Variants in VPS13B observed in about 807,000 individuals in gnomAD.
The protein encoded by VPS13B is intermembrane lipid transfer protein VPS13B.
In VPS13B, 285 loss-of-function variants were observed where a neutral mutation model predicts 426.4. The observed-to-expected ratio is 0.67, with a 90% CI of 0.61 to 0.74. VPS13B has a LOEUF of 0.74. Ranked by LOEUF, VPS13B falls within the 30% of genes least tolerant of loss-of-function variation. The pLI is 0.00. For missense variants in VPS13B, 4,537 were observed against 4,782.6 expected, an observed-to-expected ratio of 0.95 and a Z score of 1.51; for synonymous variants, 1,676 against 1,676.4, an observed-to-expected ratio of 1.00 and a Z score of 0.01.
intron 58 of VPS13B, 63 bp downstream of exon 58, chr8:99,862,009 A>G: frequency 8.6e-6 from 13 of 1,507,802 alleles, no homozygotes; most frequent in South Asian, 1.2e-5. Context: ...AGGGTCTCCC[A>G]GGACTGGGCA....
At chr8:99,323,284 G>C (rs1810077429) in intron 19 of VPS13B, among the ~76,000 whole-genome samples, 1 of 152,184 alleles carries the variant, frequency 6.6e-6, no homozygotes, top group Non-Finnish European at 1.5e-5. Context: ...AGGGAGCATA[G>C]AGAGTTTTAA....
intron 30 of VPS13B, among the ~76,000 whole-genome samples, chr8:99,537,923 A>G (rs1313096892): frequency 2.0e-5 from 3 of 152,210 alleles, no homozygotes; most frequent in Non-Finnish European, 4.4e-5. Context: ...CTTTTAAACA[A>G]CTATGTCTCA....
At chr8:99,506,928 C>T (rs1821530218) in intron 27 of VPS13B, among the ~76,000 whole-genome samples, 1 of 152,222 alleles carries the variant, frequency 6.6e-6, no homozygotes, top group Non-Finnish European at 1.5e-5. Flanking sequence ...CAAATAAATA[C>T]ATAATTTACC....
intron 33 of VPS13B, among the ~76,000 whole-genome samples, chr8:99,639,721 G>A (rs1462261640): frequency 6.7e-6 from 1 of 148,428 alleles, no homozygotes; most frequent in Non-Finnish European, 1.5e-5. Context: ...AAAATAATAA[G>A]CAGCTTTGGG....
chr8:99,221,840 C>T (rs961879721), intron 17 of VPS13B, among the ~76,000 whole-genome samples: 1 of 152,200 alleles, frequency 6.6e-6, no homozygotes, highest in African/African-American at 2.4e-5. Context: ...TCCCCAGCAG[C>T]TGATACTACA....
At chr8:99,333,576 C>G (rs1480070297) in intron 19 of VPS13B, among the ~76,000 whole-genome samples, 1 of 151,698 alleles carries the variant, frequency 6.6e-6, no homozygotes, top group Non-Finnish European at 1.5e-5. Context: ...ATTCATGTAC[C>G]TACCACCATA....
intron 7 of VPS13B, among the ~76,000 whole-genome samples, chr8:99,118,325 T>C (rs1847772985): frequency 6.6e-6 from 1 of 152,184 alleles, no homozygotes. Context: ...TTAAGTTACA[T>C]ACATTGCTAC....
In VPS13B at chr8:99,766,838, A is replaced by G. The variant is rs1429310322; in HGVS notation, c.7115A>G (p.Asn2372Ser). Reference sequence around the variant, plus strand: ...GTTTTTGTTGCATTTAGAGAATTTAATCTGTCTGAAAGCAAAGTTTGTGAA... The same window carrying G: ...GTTTTTGTTGCATTTAGAGAATTTAGTCTGTCTGAAAGCAAAGTTTGTGAA... ...QKVFVAFREF[N>S]LSESKVCELQ... Residue 2372 changes from asparagine (N) to serine (S), a missense_variant, in exon 40 of 62, where the codon AAT becomes AGT. By Grantham distance (46) the Asn-to-Ser change is conservative (BLOSUM62 1). Around this residue, in one of 2 missense-constraint regions of VPS13B, gnomAD observed 4,311 missense variants for 4,474.3 expected, o/e 0.96. Transcript: ENST00000357162. 4 of 1,613,918 alleles carry G rather than the reference A, an allele frequency of 2.5e-6. No individual in the cohort carries two copies. The highest frequency in any genetic ancestry group is 3.4e-6 in the Non-Finnish European group (4 of 1,179,986).
chr8:99,228,736 G>A (rs981390643), intron 17 of VPS13B, among the ~76,000 whole-genome samples: 5 of 152,026 alleles, frequency 3.3e-5, no homozygotes, highest in Admixed American at 6.5e-5. Flanking sequence ...TTTTTAATGC[G>A]AAGAAGGTAC....
At chr8:99,036,653 G>T (rs931289850) in intron 2 of VPS13B, among the ~76,000 whole-genome samples, 8 of 152,096 alleles carry the variant, frequency 5.3e-5, no homozygotes, top group African/African-American at 1.7e-4. Flanking sequence ...ATGATACTAA[G>T]TTCTTGAGTT....
chr8:99,666,326 G>C (rs1412374999), intron 35 of VPS13B, among the ~76,000 whole-genome samples: 4 of 152,100 alleles, frequency 2.6e-5, no homozygotes, highest in African/African-American at 9.7e-5. Context: ...GCATCATCCT[G>C]ATACCAAAGC....
chr8:99,853,999 C>G lies in VPS13B; in HGVS notation c.10610C>G (p.Ser3537Cys). 6.2e-7 allele frequency: 1 copy of G among 1,614,232 alleles called. No individual in the cohort carries two copies. Among genetic ancestry groups the G allele is most frequent in the East Asian group, 2.2e-5 (1 of 44,882 alleles). ...SRLAGHSTHL[S>C]GGKQVLPMQV... ...TTGGCTGGTCACTCCACACACCTCT[C>G]CGGGGGTAAACAGGTGTTGCCCATG... Residue 3537 changes from serine (S) to cysteine (C), a missense_variant, in exon 56 of 62, where the codon TCC becomes TGC. Around this residue, in one of 2 missense-constraint regions of VPS13B, gnomAD observed 4,311 missense variants for 4,474.3 expected, o/e 0.96. Coordinates refer to ENST00000357162, the MANE Select transcript of VPS13B (RefSeq NM_152564.5).
intron 54 of VPS13B, among the ~76,000 whole-genome samples, chr8:99,838,136 G>A (rs1815489012): frequency 6.6e-6 from 1 of 152,210 alleles, no homozygotes; most frequent in Non-Finnish European, 1.5e-5. Context: ...CGATTGTGAA[G>A]TTGCTGTGGG....
intron 23 of VPS13B, among the ~76,000 whole-genome samples, chr8:99,462,208 A>G (rs930319190): frequency 7.7e-6 from 1 of 130,372 alleles, no homozygotes; most frequent in Non-Finnish European, 1.6e-5. Context: ...TGTGTACTGT[A>G]TGCTATGCAC....
intron 57 of VPS13B, 37 bp downstream of exon 57, chr8:99,859,517 C>A (rs1469680024): frequency 6.3e-7 from 1 of 1,594,540 alleles, no homozygotes. Context: ...TGCCTTCACT[C>A]CTTCCCTTTT....
chr8:99,269,132 A>G (rs1396156838), intron 17 of VPS13B, among the ~76,000 whole-genome samples: 3 of 152,186 alleles, frequency 2.0e-5, no homozygotes, highest in Admixed American at 6.5e-5. Context: ...TCTTTCCTTT[A>G]TAAATTACCC....
chr8:99,848,042 T>G (rs564318733), intron 54 of VPS13B, among the ~76,000 whole-genome samples: 2 of 152,216 alleles, frequency 1.3e-5, no homozygotes, highest in East Asian at 3.9e-4. Context: ...GCTGTGAACA[T>G]GATGTTCTTG....
At chr8:99,057,730 T>C (rs1293304357) in intron 3 of VPS13B, among the ~76,000 whole-genome samples, 1 of 152,194 alleles carries the variant, frequency 6.6e-6, no homozygotes. Flanking sequence ...TTCCTCTTTA[T>C]GTATTTTCTG....
intron 3 of VPS13B, among the ~76,000 whole-genome samples, chr8:99,082,455 T>C (rs1004477650): frequency 2.6e-5 from 4 of 152,208 alleles, no homozygotes; most frequent in African/African-American, 9.7e-5. Flanking sequence ...GTGCAGAAGC[T>C]CTTTAGTTTA....
Sources: gnomAD v4.1 joint callset for allele counts (sites outside exome capture counted in the v4.1 genomes callset) on GRCh38, gnomAD v4.1.1 for gene constraint, gnomAD v4.1.1 regional missense constraint, MANE v1.5 for transcripts, NCBI Gene and HGNC (gene_info 2026-07-23, HGNC 2026-07-21) for gene names.